Variants in DNAJC7 observed in about 807,000 individuals in gnomAD.
DNAJC7 encodes DnaJ heat shock protein family (Hsp40) member C7, also known as dnaJ homolog subfamily C member 7.
A neutral mutation model predicts 67.4 loss-of-function variants in DNAJC7; 18 were observed. The observed-to-expected ratio is 0.27, with a 90% CI of 0.18 to 0.40. DNAJC7 has a LOEUF of 0.40. DNAJC7 is among the 10% of genes least tolerant of loss of function. The pLI, the probability that DNAJC7 is intolerant of heterozygous loss-of-function variation, is 1.00. For missense variants in DNAJC7, 419 were observed against 613.8 expected (o/e 0.68, Z 3.35); for synonymous variants, 220 against 207.8 (o/e 1.06, Z -0.50).
At chr17:41,978,411 A>C (rs1439394712) in intron 12 of DNAJC7, among the ~76,000 whole-genome samples, 2 of 152,170 alleles carry the variant, frequency 1.3e-5, no homozygotes, top group African/African-American at 4.8e-5. Flanking sequence ...TGCTGAGTCT[A>C]CCACTAACTA....
intron 12 of DNAJC7, among the ~76,000 whole-genome samples, chr17:41,979,715 C>T (rs1555645653): frequency 6.6e-6 from 1 of 150,388 alleles, no homozygotes; most frequent in Non-Finnish European, 1.5e-5. Context: ...GTAATTCCAG[C>T]CCTTTGGGAG....
intron 3 of DNAJC7, among the ~76,000 whole-genome samples, 177 bp from the exon 4 acceptor site, chr17:41,996,601 T>C (rs1555648669): frequency 2.0e-5 from 3 of 151,788 alleles, no homozygotes; most frequent in Non-Finnish European, 4.4e-5. Flanking sequence ...GGGTCAGGAG[T>C]TTGAGACTAG....
At chr17:41,977,159 C>T (rs2143072631) in intron 13 of DNAJC7, 102 bp downstream of exon 13, 2 of 1,177,158 alleles carry the variant, frequency 1.7e-6, no homozygotes, top group East Asian at 2.6e-5. Context: ...AATTCAGCTG[C>T]CCCCGCTCAT....
chr17:41,990,860 C>T (rs2051495660), intron 5 of DNAJC7, among the ~76,000 whole-genome samples: 1 of 151,872 alleles, frequency 6.6e-6, no homozygotes, highest in African/African-American at 2.4e-5. Context: ...TTAGTAAACA[C>T]AGGGTTTCAC....
intron 8 of DNAJC7, among the ~76,000 whole-genome samples, chr17:41,988,366 A>G (rs541885574): frequency 6.6e-6 from 1 of 152,326 alleles, no homozygotes; most frequent in African/African-American, 2.4e-5. Flanking sequence ...ACTGGAGAAA[A>G]ACAAGCTTGC....
At chr17:41,987,652 G>A (rs2051417163) in intron 9 of DNAJC7, 167 bp downstream of exon 9, 2 of 537,882 alleles carry the variant, frequency 3.7e-6, no homozygotes, top group Non-Finnish European at 6.5e-6. Flanking sequence ...AATCTCCTCC[G>A]CTGGAGGTCT....
intron 5 of DNAJC7, among the ~76,000 whole-genome samples, chr17:41,994,498 T>A (rs2051602093): frequency 1.6e-5 from 2 of 122,556 alleles, no homozygotes; most frequent in South Asian, 2.5e-4. Flanking sequence ...CCAGCCTGGG[T>A]GACAGAGTGA....
intron 9 of DNAJC7, chr17:41,987,464 G>A (rs1179574465): frequency 5.2e-6 from 1 of 193,302 alleles, no homozygotes; most frequent in Non-Finnish European, 1.1e-5. Flanking sequence ...TATTCAGTGA[G>A]CACCTATGTG....
intron 1 of DNAJC7, among the ~76,000 whole-genome samples, chr17:42,010,449 G>A (rs547049397): frequency 3.4e-4 from 52 of 152,144 alleles, no homozygotes; most frequent in African/African-American, 1.3e-3. Flanking sequence ...CCAAGATTGC[G>A]CCATTGCACT....
At chr17:41,987,757 A>T (rs2051419685) in intron 9 of DNAJC7, 62 bp downstream of exon 9, 2 of 1,422,718 alleles carry the variant, frequency 1.4e-6, no homozygotes, top group Non-Finnish European at 1.9e-6. Context: ...CGTCATCCAC[A>T]AGGCAATTCC....
intron 1 of DNAJC7, among the ~76,000 whole-genome samples, chr17:42,012,487 AAAG>A (rs2052147079): frequency 6.6e-6 from 1 of 152,222 alleles, no homozygotes; most frequent in South Asian, 2.1e-4. Context: ...GTCAAAAAGA[AAAG>A]AAAACAATTT....
intron 2 of DNAJC7, among the ~76,000 whole-genome samples, chr17:42,000,173 C>T (rs1319193609): frequency 6.8e-6 from 1 of 147,606 alleles, no homozygotes; most frequent in Non-Finnish European, 1.5e-5. Flanking sequence ...GGTTGGAGTG[C>T]AGTGGCACAA....
Position 41,976,701 on chromosome 17 carries a change from G to C in DNAJC7, c.*32C>G. On this transcript the variant is annotated 3_prime_UTR_variant, in exon 14 of 14. Coordinates refer to ENST00000457167, the MANE Select transcript of DNAJC7 (RefSeq NM_003315.4). ...ATTCAAGATTAAACTGAGTGAATCT[G>C]CATTTTCTGGGTTCTGGGTGGTTGC... 6.2e-7 allele frequency: 1 copy of C among 1,605,812 alleles called. No individual in the cohort carries two copies. Among genetic ancestry groups the C allele is most frequent in the South Asian group, 1.1e-5 (1 of 90,548 alleles).
chr17:42,009,259 C>T (rs1371378110), intron 1 of DNAJC7, among the ~76,000 whole-genome samples: 6 of 152,266 alleles, frequency 3.9e-5, no homozygotes, highest in South Asian at 4.1e-4. Flanking sequence ...CCTTAACATA[C>T]CAGTTCAAAT....
At chr17:41,981,704 T>C in intron 12 of DNAJC7, 151 bp downstream of exon 12, 1 of 1,102,288 alleles carries the variant, frequency 9.1e-7, no homozygotes, top group Non-Finnish European at 1.3e-6. Flanking sequence ...ACCTGCCACA[T>C]TTGACTGCAT....
chr17:42,017,251 A>G (rs980605834), intron 1 of DNAJC7, 89 bp downstream of exon 1: 1 of 1,602,636 alleles, frequency 6.2e-7, no homozygotes, highest in South Asian at 1.1e-5. Flanking sequence ...CATCGCCTCA[A>G]CAGCTGGGGG....
At chr17:41,977,619 T>TCC (rs2051126834) in intron 12 of DNAJC7, 1 of 279,444 alleles carries the variant, frequency 3.6e-6, no homozygotes, top group African/African-American at 2.2e-5. Context: ...TGGAATGCCA[T>TCC]TTGCACTTAC....
intron 9 of DNAJC7, chr17:41,984,921 G>A (rs1555646547): frequency 6.6e-6 from 1 of 152,150 alleles, no homozygotes. Flanking sequence ...CCGCCTCCCA[G>A]GTTTCAAGTG....
chr17:41,992,174 G>GT (rs1447499870), intron 5 of DNAJC7, among the ~76,000 whole-genome samples: 1 of 151,864 alleles, frequency 6.6e-6, no homozygotes, highest in African/African-American at 2.4e-5. Flanking sequence ...CTGTTTTTTT[G>GT]TTTTTTGTTT....
Sources: gnomAD v4.1 joint callset for allele counts (sites outside exome capture counted in the v4.1 genomes callset) on GRCh38, gnomAD v4.1.1 for gene constraint, MANE v1.5 for transcripts, NCBI Gene and HGNC (gene_info 2026-07-23, HGNC 2026-07-21) for gene names.